Variants in PSMD3 observed in about 807,000 individuals in gnomAD.
PSMD3 encodes the protein proteasome 26S subunit, non-ATPase 3.
A neutral mutation model predicts 62.8 loss-of-function variants in PSMD3; 5 were observed. The observed-to-expected ratio is 0.08, with a 90% CI of 0.04 to 0.17. The LOEUF (loss-of-function observed/expected upper bound fraction) is 0.17. Among genes scored for constraint, PSMD3 ranks in the 10% least tolerant of loss-of-function variants. The pLI is 1.00. For synonymous variants in PSMD3, 265 were observed against 283.9 expected, an observed-to-expected ratio of 0.93 and a Z score of 0.67; for missense variants, 524 against 713.6, an observed-to-expected ratio of 0.73 and a Z score of 3.03.
Position 39,989,901 on chromosome 17 carries a change from T to C in PSMD3, c.849T>C (p.Asn283=), listed in dbSNP as rs9916279. The C allele has an allele frequency of 0.16, 259,219 of 1,613,698 alleles. 23,892 individuals are homozygous for C. The highest frequency in any genetic ancestry group is 0.35 in the African/African-American group (26,499 of 74,946). The change falls in exon 5 of 12, where the codon AAT becomes AAC. Residue 283 remains asparagine, a synonymous_variant. Transcript: ENST00000264639. ...TGTTCCCAGAGCAGGCCAACAACAA[T>C]GAGTGGGCCAGGTACCTCTACTACA... ...KSVFPEQANN[N]EWARYLYYTG...
intron 3 of PSMD3, among the ~76,000 whole-genome samples, 166 bp downstream of exon 3, chr17:39,986,878 A>T (rs1568136806): frequency 6.6e-6 from 1 of 152,120 alleles, no homozygotes; most frequent in Non-Finnish European, 1.5e-5. Flanking sequence ...TCCCAGGAGA[A>T]CCCACTCTTG....
chr17:39,997,838 A>AG lies in PSMD3; in HGVS notation c.*261dup. On this transcript the variant is annotated 3_prime_UTR_variant, in exon 12 of 12. Transcript: ENST00000264639. ...TCCTGGCCAGCAGTGTGGGAGCAGG[A>AG]GGGGAAGGATAGTTCTGTGTACTCC... The AG allele has an allele frequency of 1.8e-6, 1 of 560,574 alleles. No individual in the cohort carries two copies. Among genetic ancestry groups the AG allele is most frequent in the Non-Finnish European group, 3.2e-6 (1 of 311,032 alleles). 34.7% of individuals were successfully genotyped at this position (560,574 alleles called of 1,614,324 possible).
intron 2 of PSMD3, 52 bp downstream of exon 2, chr17:39,984,536 G>T (rs753648552): frequency 6.7e-7 from 1 of 1,485,414 alleles, no homozygotes; most frequent in African/African-American, 1.4e-5. Context: ...CAGATCCCCA[G>T]GAACAGCATT....
Position 39,989,906 on chromosome 17 carries a change from G to T in PSMD3, c.854G>T (p.Trp285Leu), listed in dbSNP as rs766849600. The T allele has an allele frequency of 6.2e-7, 1 of 1,613,990 alleles. No homozygotes were observed. Among genetic ancestry groups the T allele is most frequent in the East Asian group, 2.2e-5 (1 of 44,858 alleles). ...CCAGAGCAGGCCAACAACAATGAGT[G>T]GGCCAGGTACCTCTACTACACAGGT... ...VFPEQANNNE[W>L]ARYLYYTGRI... The change falls in exon 5 of 12, where the codon TGG (tryptophan) becomes TTG (leucine). Residue 285 changes from tryptophan (W) to leucine (L), a missense_variant. Physicochemically the swap from Trp to Leu is moderately conservative, Grantham distance 61. This residue lies in a region of PSMD3 where 396 missense variants were observed against 475.8 expected (regional missense o/e 0.83). Transcript: ENST00000264639.
At chr17:39,982,421 C>T (rs1228889375) in intron 1 of PSMD3, among the ~76,000 whole-genome samples, 1 of 152,150 alleles carries the variant, frequency 6.6e-6, no homozygotes, top group Non-Finnish European at 1.5e-5. Context: ...GAGCTGTTCT[C>T]CTATAATTGA....
rs1598311643 is a variant in PSMD3 at position 39,984,567 on chromosome 17, A to G, written c.411+83A>G. The G allele has an allele frequency of 2.8e-5, 37 of 1,330,728 alleles. No homozygotes were observed. The East Asian group carries it at 8.5e-4, about 31-fold the overall frequency. 82.4% of individuals were successfully genotyped at this position (1,330,728 alleles called of 1,614,324 possible). Reference sequence around the variant, plus strand: ...GCATTGTTTTCCATCCTAAAGTCCCATCTTATTACCTGTGGTAGCATGAGG... The same window carrying G: ...GCATTGTTTTCCATCCTAAAGTCCCGTCTTATTACCTGTGGTAGCATGAGG... On this transcript the variant is annotated intron_variant, in intron 2 of 11. Coordinates refer to ENST00000264639, the MANE Select transcript of PSMD3 (RefSeq NM_002809.4).
In PSMD3 at chr17:39,980,958, G is replaced by C; in HGVS notation, c.-13G>C. ...GGCCTCGGTCCCCGGACTAGGCCGT[G>C]ACCCCGGGTGCCATGAAGCAGGAGG... On this transcript the variant is annotated 5_prime_UTR_variant, in exon 1 of 12. Coordinates refer to ENST00000264639, the MANE Select transcript of PSMD3 (RefSeq NM_002809.4). 6.6e-7 allele frequency: 1 copy of C among 1,520,578 alleles called. No homozygotes were observed. The highest frequency in any genetic ancestry group is 1.3e-5 in the South Asian group (1 of 79,186). The allele number at this position is 1,520,578 out of a possible 1,614,324, so 94.2% of individuals were successfully genotyped here.
chr17:39,992,445 GT>G (rs1980680653), intron 6 of PSMD3, among the ~76,000 whole-genome samples: 1 of 152,166 alleles, frequency 6.6e-6, no homozygotes, highest in Non-Finnish European at 1.5e-5. Context: ...TGATGAAGCT[GT>G]AGATTCCGAT....
At chr17:39,994,870 C>G in intron 6 of PSMD3, 84 bp from the exon 7 acceptor site, 1 of 1,192,156 alleles carries the variant, frequency 8.4e-7, no homozygotes. Context: ...CCCACTACAT[C>G]TGGCAGAATT....
intron 1 of PSMD3, among the ~76,000 whole-genome samples, chr17:39,982,190 G>A (rs1980406107): frequency 1.3e-5 from 2 of 152,242 alleles, no homozygotes; most frequent in African/African-American, 2.4e-5. Context: ...TTACTGTAAA[G>A]TTGAGCAACA....
At chr17:39,989,252 G>C (rs1452383766) in intron 4 of PSMD3, among the ~76,000 whole-genome samples, 1 of 152,092 alleles carries the variant, frequency 6.6e-6, no homozygotes, top group Admixed American at 6.5e-5. Flanking sequence ...AGCCCCACTG[G>C]CCTGCCTTTC....
chr17:39,980,942 C>A lies in PSMD3; in HGVS notation c.-29C>A. The A allele has an allele frequency of 6.7e-7, 1 of 1,487,040 alleles. No individual in the cohort carries two copies. Among genetic ancestry groups the A allele is most frequent in the South Asian group, 1.3e-5 (1 of 74,524 alleles). The allele number at this position is 1,487,040 out of a possible 1,614,324, so 92.1% of individuals were successfully genotyped here. On this transcript the variant is annotated 5_prime_UTR_variant, in exon 1 of 12. Coordinates refer to ENST00000264639, the MANE Select transcript of PSMD3 (RefSeq NM_002809.4). ...GTTAACGCGAGGCCCCGGCCTCGGT[C>A]CCCGGACTAGGCCGTGACCCCGGGT...
At chr17:39,989,429 C>T (rs991793427) in intron 4 of PSMD3, among the ~76,000 whole-genome samples, 1 of 152,194 alleles carries the variant, frequency 6.6e-6, no homozygotes, top group African/African-American at 2.4e-5. Flanking sequence ...TTCTCACGTC[C>T]TGCATTCCCC....
intron 6 of PSMD3, among the ~76,000 whole-genome samples, chr17:39,992,780 G>C (rs11652139): frequency 1.6e-5 from 2 of 127,472 alleles, no homozygotes; most frequent in African/African-American, 4.9e-5. Flanking sequence ...TCAGGCGGCC[G>C]TTCCTGTCTC....
rs201112076 is a variant in PSMD3 at position 39,984,352 on chromosome 17, C to G, written c.279C>G (p.Phe93Leu). 80 of 1,613,648 alleles carry G rather than the reference C, an allele frequency of 5.0e-5. No homozygotes were observed. The highest frequency in any genetic ancestry group is 1.0e-5 in the Non-Finnish European group (12 of 1,180,010). ...EKAVSGKEPR[F>L]VLRALRMLPS... ...CGGTTTCAGGCAAGGAGCCGAGATT[C>G]GTGCTGCGGGCCCTGCGGATGCTGC... Residue 93 changes from phenylalanine to leucine, a missense_variant, in exon 2 of 12, where the codon TTC becomes TTG. Phe to Leu is a conservative substitution (Grantham distance 22, BLOSUM62 0). This residue lies in a region of PSMD3 where 396 missense variants were observed against 475.8 expected (regional missense o/e 0.83). Coordinates refer to ENST00000264639, the MANE Select transcript of PSMD3 (RefSeq NM_002809.4).
Position 39,981,113 on chromosome 17 carries a change from C to T in PSMD3, c.143C>T (p.Thr48Met). The change falls in exon 1 of 12, where the codon ACG becomes ATG. Residue 48 changes from threonine to methionine, a missense_variant. Physicochemically the swap from Thr to Met is moderately conservative, Grantham distance 81. This residue lies in a region of PSMD3 where 396 missense variants were observed against 475.8 expected (regional missense o/e 0.83). Coordinates refer to ENST00000264639, the MANE Select transcript of PSMD3 (RefSeq NM_002809.4). ...KEEAATGGGS[T>M]GEADGKTAAA... Reference sequence around the variant, plus strand: ...GAGGCAGCGACGGGTGGCGGGTCGACGGGGGAGGCAGACGGCAAGACGGCG... The same window carrying T: ...GAGGCAGCGACGGGTGGCGGGTCGATGGGGGAGGCAGACGGCAAGACGGCG... 6.4e-7 allele frequency: 1 copy of T among 1,550,560 alleles called. No individual in the cohort carries two copies. The highest frequency in any genetic ancestry group is 8.7e-7 in the Non-Finnish European group (1 of 1,146,658).
In PSMD3 at chr17:39,995,982, G is replaced by C; in HGVS notation, c.1321-201G>C. On this transcript the variant is annotated intron_variant, in intron 9 of 11. Transcript: ENST00000264639. This position sits in a 1 kb window ranked among gnomAD's most constrained non-coding sequence, Gnocchi z 4.1. Reference sequence around the variant, plus strand: ...GAAAATACAAAAATTAGCCAGGCCTGGTGGCAGGTTCCTGTAATCCCAGCT... The same window carrying C: ...GAAAATACAAAAATTAGCCAGGCCTCGTGGCAGGTTCCTGTAATCCCAGCT... 1.6e-6 allele frequency: 1 copy of C among 622,290 alleles called. No homozygotes were observed. Among genetic ancestry groups the C allele is most frequent in the Non-Finnish European group, 2.7e-6 (1 of 365,516 alleles). 38.5% of individuals were successfully genotyped at this position (622,290 alleles called of 1,614,324 possible).
At position 39,995,406 on chromosome 17, in the gene PSMD3, C is replaced by T. The variant is rs373677696; in HGVS notation, c.1217-18C>T. 5 of 1,612,526 alleles carry T rather than the reference C, an allele frequency of 3.1e-6. No individual in the cohort carries two copies. The highest frequency in any genetic ancestry group is 3.3e-4 in the Middle Eastern group (2 of 6,084). On this transcript the variant is annotated intron_variant, in intron 8 of 11. Coordinates refer to ENST00000264639, the MANE Select transcript of PSMD3 (RefSeq NM_002809.4). The surrounding 1 kb of genome is among the most constrained non-coding windows in gnomAD (Gnocchi z 4.1). ...TCTGTGTCCACTCTGCCCACCCCAT[C>T]GCTCCTTCCTCTCCCAGGTGTACGC...
chr17:39,996,284 A>G lies in PSMD3; in HGVS notation c.1422A>G (p.Leu474=). Residue 474 remains leucine, a synonymous_variant, in exon 10 of 12, where the codon CTA becomes CTG. Coordinates refer to ENST00000264639, the MANE Select transcript of PSMD3 (RefSeq NM_002809.4). This position sits in a 1 kb window ranked among gnomAD's most constrained non-coding sequence, Gnocchi z 5.1. The part of the protein sequence containing the change: ...IDIYSTREPQ[L]AFHQRISFCL... ...TCTATTCCACCCGAGAGCCCCAGCT[A>G]GCCTTCCACCAGCGCATCTCCTTCT... The G allele has an allele frequency of 1.2e-6, 2 of 1,613,998 alleles. No homozygotes were observed. Among genetic ancestry groups the G allele is most frequent in the Non-Finnish European group, 1.7e-6 (2 of 1,180,010 alleles).
Sources: allele counts gnomAD v4.1 joint callset (sites outside exome capture counted in the v4.1 genomes callset), GRCh38; gene constraint gnomAD v4.1.1; regional missense constraint gnomAD v4.1.1; non-coding constraint Gnocchi (gnomAD v3.1); transcripts MANE v1.5; gene names NCBI Gene and HGNC (gene_info 2026-07-23, HGNC 2026-07-21).